Variants in GREM1 observed in about 807,000 individuals in gnomAD.
GREM1 encodes gremlin 1, DAN family BMP antagonist, also known as gremlin-1.
GREM1 carries 6 observed loss-of-function variants against 13.1 expected under a neutral mutation model. The ratio of observed to expected loss-of-function variants is 0.46; its 90% CI spans 0.25 to 0.91. The LOEUF (loss-of-function observed/expected upper bound fraction) is 0.91, where lower values mean the gene tolerates loss of function less well. Among genes scored for constraint, GREM1 ranks in the 40% least tolerant of loss-of-function variants. The pLI is 0.18. For missense variants in GREM1, 185 were observed against 233.9 expected (o/e 0.79, Z 1.36); for synonymous variants, 98 against 93.7 (o/e 1.05, Z -0.27).
At position 32,738,122 on chromosome 15, in the gene GREM1, A is replaced by AC. The variant is rs1408590143; in HGVS notation, c.*6877_*6878insC. Reference sequence around the variant, plus strand: ...AAAAAAAAAAAAAAAAAAAAAAAAAAAAAAAAAAAAAGAAAAGAAAAAAGT... The same window carrying AC: ...AAAAAAAAAAAAAAAAAAAAAAAAAACAAAAAAAAAAAGAAAAGAAAAAAGT... On this transcript the variant is annotated 3_prime_UTR_variant, in exon 2 of 2. Coordinates refer to ENST00000651154, the MANE Select transcript of GREM1 (RefSeq NM_013372.7). The AC allele has an allele frequency of 9.3e-5, 6 of 64,400 alleles. No individual in the cohort carries two copies. The South Asian group carries it at 1.4e-3, about 16-fold the overall frequency. 4.0% of individuals were successfully genotyped at this position (64,400 alleles called of 1,614,324 possible). A position where few individuals can be genotyped will look rare whatever the true frequency, so the allele number is the denominator to read the frequency against.
At position 32,730,875 on chromosome 15, in the gene GREM1, A is replaced by T; in HGVS notation, c.185A>T (p.Gln62Leu). The part of the protein sequence containing the change: ...QPGSRNRGRG[Q>L]GRGTAMPGEE... ...GGCTCCAGGAACCGGGGGCGGGGCCAAGGGCGGGGCACTGCCATGCCCGGG... is the reference window on the plus strand; with the variant it reads ...GGCTCCAGGAACCGGGGGCGGGGCCTAGGGCGGGGCACTGCCATGCCCGGG... Residue 62 changes from glutamine (Q) to leucine (L), a missense_variant, in exon 2 of 2, where the codon CAA becomes CTA. By Grantham distance (113) the Gln-to-Leu change is moderately radical (BLOSUM62 -2). Transcript: ENST00000651154. 1.9e-6 allele frequency: 3 copies of T among 1,613,092 alleles called. No homozygotes were observed. Among genetic ancestry groups the T allele is most frequent in the Non-Finnish European group, 2.5e-6 (3 of 1,179,570 alleles).
chr15:32,726,708 C>G (rs1225014533), intron 1 of GREM1, among the ~76,000 whole-genome samples: 6 of 28,766 alleles, frequency 2.1e-4, no homozygotes, highest in African/African-American at 4.3e-4. Context: ...AACCCAGGAG[C>G]TGTTTTTTTT....
Position 32,734,008 on chromosome 15 carries a change from A to G in GREM1, c.*2763A>G, listed in dbSNP as rs1427143791. On this transcript the variant is annotated 3_prime_UTR_variant, in exon 2 of 2. Coordinates refer to ENST00000651154, the MANE Select transcript of GREM1 (RefSeq NM_013372.7). ...GTTATTTAATGTAATTATTACTTCA[A>G]ATCCTTTGGTCACTGTGATTTCAAG... The G allele has an allele frequency of 4.1e-6, 1 of 242,088 alleles. No homozygotes were observed. The highest frequency in any genetic ancestry group is 6.4e-5 in the East Asian group (1 of 15,666). 15.0% of individuals were successfully genotyped at this position (242,088 alleles called of 1,614,324 possible). A position where few individuals can be genotyped will look rare whatever the true frequency, so the allele number is the denominator to read the frequency against.
At position 32,739,796 on chromosome 15, in the gene GREM1, T is replaced by C. The variant is rs540815915; in HGVS notation, c.*8551T>C. 4 of 152,362 alleles carry C rather than the reference T, an allele frequency of 2.6e-5. No homozygotes were observed. In the South Asian group the frequency reaches 6.2e-4, roughly 24 times the overall value. 9.4% of individuals were successfully genotyped at this position (152,362 alleles called of 1,614,324 possible). On this transcript the variant is annotated 3_prime_UTR_variant, in exon 2 of 2. Transcript: ENST00000651154. ...TCCCTAACCCCAGCACAGTGCCATGTAGTCAGCAAGAGACTCCCTAGCACT... is the reference window on the plus strand; with the variant it reads ...TCCCTAACCCCAGCACAGTGCCATGCAGTCAGCAAGAGACTCCCTAGCACT...
intron 1 of GREM1, among the ~76,000 whole-genome samples, chr15:32,729,577 A>AT (rs1395363222): frequency 6.6e-6 from 1 of 151,252 alleles, no homozygotes; most frequent in African/African-American, 2.4e-5. Context: ...ATGGTTTCCT[A>AT]TTTTTTGTCG....
intron 1 of GREM1, among the ~76,000 whole-genome samples, chr15:32,719,357 G>A (rs2055364783): frequency 1.3e-5 from 2 of 152,188 alleles, no homozygotes; most frequent in Admixed American, 1.3e-4. Flanking sequence ...GACGGTCACC[G>A]GGCCAGGCGG....
Position 32,735,441 on chromosome 15 carries a change from A to G in GREM1, c.*4196A>G, listed in dbSNP as rs1189375595. On this transcript the variant is annotated 3_prime_UTR_variant, in exon 2 of 2. Transcript: ENST00000651154. ...TCTTACTGTGGCACTGGGTCCTTAA[A>G]CATTATGCAAAACTGTGAGCAACTT... 6.6e-6 allele frequency: 1 copy of G among 152,168 alleles called. No individual in the cohort carries two copies. The highest frequency in any genetic ancestry group is 2.4e-5 in the African/African-American group (1 of 41,446). The allele number at this position is 152,168 out of a possible 1,614,324, so 9.4% of individuals were successfully genotyped here. A position where few individuals can be genotyped will look rare whatever the true frequency, so the allele number is the denominator to read the frequency against.
chr15:32,741,801 A>G lies in GREM1; in HGVS notation c.*10556A>G, dbSNP rs927210050. On this transcript the variant is annotated 3_prime_UTR_variant, in exon 2 of 2. Transcript: ENST00000651154. ...TCCATTATTCGGTATAATGTTAGTT[A>G]TGGGTTTTTAAAAATATATATGACC... The G allele has an allele frequency of 9.9e-5, 15 of 152,142 alleles. No homozygotes were observed. Among genetic ancestry groups the G allele is most frequent in the Admixed American group, 9.2e-4 (14 of 15,286 alleles). The allele number at this position is 152,142 out of a possible 1,614,324, so 9.4% of individuals were successfully genotyped here.
At position 32,730,730 on chromosome 15, in the gene GREM1, C is replaced by T. The variant is rs2055601037; in HGVS notation, c.40C>T (p.Leu14Phe). ...TAYTVGALLL[L>F]LGTLLPAAEG... ...CTACACGGTGGGAGCCCTGCTTCTC[C>T]TCTTGGGGACCCTGCTGCCGGCTGC... Residue 14 changes from leucine (L) to phenylalanine (F), a missense_variant, in exon 2 of 2, where the codon CTC becomes TTC. Leu to Phe is a conservative substitution (Grantham distance 22, BLOSUM62 0). Coordinates refer to ENST00000651154, the MANE Select transcript of GREM1 (RefSeq NM_013372.7). 4 of 1,589,046 alleles carry T rather than the reference C, an allele frequency of 2.5e-6. No homozygotes were observed. Among genetic ancestry groups the T allele is most frequent in the Non-Finnish European group, 2.6e-6 (3 of 1,170,054 alleles).
chr15:32,725,901 C>A (rs1009734632), intron 1 of GREM1, among the ~76,000 whole-genome samples: 6 of 152,158 alleles, frequency 3.9e-5, no homozygotes, highest in African/African-American at 1.4e-4. Flanking sequence ...GGAATCCTTT[C>A]CCCATTGCTT....
intron 1 of GREM1, 115 bp downstream of exon 1, chr15:32,718,276 G>A: frequency 1.2e-6 from 1 of 821,046 alleles, no homozygotes; most frequent in Non-Finnish European, 1.8e-6. Flanking sequence ...GCAGGCTCGG[G>A]TGCGTTGTTC....
At position 32,734,665 on chromosome 15, in the gene GREM1, C is replaced by A. The variant is rs201134502; in HGVS notation, c.*3420C>A. The A allele has an allele frequency of 9.9e-4, 234 of 237,408 alleles. No homozygotes were observed. Among genetic ancestry groups the A allele is most frequent in the Non-Finnish European group, 1.7e-3 (196 of 114,152 alleles). The allele number at this position is 237,408 out of a possible 1,614,324, so 14.7% of individuals were successfully genotyped here. A position where few individuals can be genotyped will look rare whatever the true frequency, so the allele number is the denominator to read the frequency against. On this transcript the variant is annotated 3_prime_UTR_variant, in exon 2 of 2. Coordinates refer to ENST00000651154, the MANE Select transcript of GREM1 (RefSeq NM_013372.7). The stretch of plus-strand genomic sequence containing the variant: ...AACTAATAAATTAAACCTATTCTTT[C>A]TGTGTGTGTGAGCGTGCGTTTGTGT...
At position 32,742,386 on chromosome 15, in the gene GREM1, C is replaced by T. The variant is rs1201913441; in HGVS notation, c.*11141C>T. ...GGTCTGTCCAGTCTTTGTATTTCTT[C>T]ATGATTTAGTCATCATGTATTCATG... On this transcript the variant is annotated 3_prime_UTR_variant, in exon 2 of 2. Coordinates refer to ENST00000651154, the MANE Select transcript of GREM1 (RefSeq NM_013372.7). 1 of 152,110 alleles carries T rather than the reference C, an allele frequency of 6.6e-6. No individual in the cohort carries two copies. The highest frequency in any genetic ancestry group is 1.5e-5 in the Non-Finnish European group (1 of 68,000). The allele number at this position is 152,110 out of a possible 1,614,324, so 9.4% of individuals were successfully genotyped here. A position where few individuals can be genotyped will look rare whatever the true frequency, so the allele number is the denominator to read the frequency against.
chr15:32,719,975 T>C (rs1229406495), intron 1 of GREM1, among the ~76,000 whole-genome samples: 2 of 152,180 alleles, frequency 1.3e-5, no homozygotes, highest in African/African-American at 2.4e-5. Context: ...GCCAAGTCTA[T>C]AACAGTAGGT....
At chr15:32,725,607 GTT>G in intron 1 of GREM1, among the ~76,000 whole-genome samples, 1 of 152,300 alleles carries the variant, frequency 6.6e-6, no homozygotes, top group East Asian at 1.9e-4. Context: ...TCTGATGGTA[GTT>G]TCTTTTGCCA....
rs2055720047 is a variant in GREM1 at position 32,738,083 on chromosome 15, C to CCAAAAA, written c.*6838_*6839insCAAAAA. On this transcript the variant is annotated 3_prime_UTR_variant, in exon 2 of 2. Transcript: ENST00000651154. ...GGAGGTTCTACCTAGGGTAATTAGG[C>CCAAAAA]AAAAAAAAAAAAAAAAAAAAAAAAA... 5.3e-5 allele frequency: 1 copy of CCAAAAA among 18,910 alleles called. No individual in the cohort carries two copies. Among genetic ancestry groups the CCAAAAA allele is most frequent in the Non-Finnish European group, 8.6e-5 (1 of 11,650 alleles). The allele number at this position is 18,910 out of a possible 1,614,324, so 1.2% of individuals were successfully genotyped here. A position where few individuals can be genotyped will look rare whatever the true frequency, so the allele number is the denominator to read the frequency against.
At position 32,733,327 on chromosome 15, in the gene GREM1, T is replaced by C. The variant is rs2055652866; in HGVS notation, c.*2082T>C. The stretch of plus-strand genomic sequence containing the variant: ...GAAGAAAAGGGAAAGAAGCTGAAAA[T>C]GTAAAACCACACCAGGGAGGAAAAA... On this transcript the variant is annotated 3_prime_UTR_variant, in exon 2 of 2. Transcript: ENST00000651154. 4.5e-6 allele frequency: 1 copy of C among 224,640 alleles called. No homozygotes were observed. The highest frequency in any genetic ancestry group is 1.9e-4 in the South Asian group (1 of 5,338). 13.9% of individuals were successfully genotyped at this position (224,640 alleles called of 1,614,324 possible). A position where few individuals can be genotyped will look rare whatever the true frequency, so the allele number is the denominator to read the frequency against.
rs2055619524 is a variant in GREM1, at chr15:32,731,540, A to G, written c.*295A>G. 2.4e-6 allele frequency: 1 copy of G among 417,000 alleles called. No individual in the cohort carries two copies. Among genetic ancestry groups the G allele is most frequent in the Non-Finnish European group, 4.4e-6 (1 of 225,032 alleles). The allele number at this position is 417,000 out of a possible 1,614,324, so 25.8% of individuals were successfully genotyped here. Reference sequence around the variant, plus strand: ...CCACCTCACCCCGGCTCACATCTAAAGGGGCGGGGCCGTGGTCTGGTTCTG... The same window carrying G: ...CCACCTCACCCCGGCTCACATCTAAGGGGGCGGGGCCGTGGTCTGGTTCTG... On this transcript the variant is annotated 3_prime_UTR_variant, in exon 2 of 2. Coordinates refer to ENST00000651154, the MANE Select transcript of GREM1 (RefSeq NM_013372.7).
chr15:32,721,169 A>AAAAC (rs201313662), intron 1 of GREM1, among the ~76,000 whole-genome samples: 19 of 151,662 alleles, frequency 1.3e-4, no homozygotes, highest in South Asian at 2.1e-4. Context: ...AAAACAAAAC[A>AAAAC]AAACAAACAA....
Sources: allele counts gnomAD v4.1 joint callset (sites outside exome capture counted in the v4.1 genomes callset), GRCh38; gene constraint gnomAD v4.1.1; transcripts MANE v1.5; gene names NCBI Gene and HGNC (gene_info 2026-07-23, HGNC 2026-07-21).